Variants in IGSF21 observed in about 807,000 individuals in gnomAD.
IGSF21 encodes the protein immunoglobin superfamily member 21.
Under a neutral mutation model 46.8 loss-of-function variants are expected in IGSF21, and 28 were observed. The observed-to-expected ratio is 0.60, with a 90% confidence interval of 0.44 to 0.82. IGSF21 has a LOEUF of 0.82. Among genes scored for constraint, IGSF21 ranks in the 40% least tolerant of loss-of-function variants. IGSF21 has a pLI of 0.00. For synonymous variants in IGSF21, 284 were observed against 273.6 expected (o/e 1.04, Z -0.38); for missense variants, 624 against 665.5 (o/e 0.94, Z 0.69).
chr1:18,253,560 G>A (rs1435278426), intron 2 of IGSF21, among the ~76,000 whole-genome samples: 1 of 152,236 alleles, frequency 6.6e-6, no homozygotes, highest in African/African-American at 2.4e-5. Flanking sequence ...TAAAGAGAAT[G>A]TTAAAACCTT....
chr1:18,341,265 A>T (rs1187729072), intron 4 of IGSF21, among the ~76,000 whole-genome samples: 1 of 151,470 alleles, frequency 6.6e-6, no homozygotes, highest in Non-Finnish European at 1.5e-5. Context: ...ACCTCAACAG[A>T]TTTGCTCCTT....
intron 2 of IGSF21, among the ~76,000 whole-genome samples, chr1:18,231,086 G>T (rs2084621573): frequency 6.6e-6 from 1 of 152,174 alleles, no homozygotes. Flanking sequence ...AGTCAGGACT[G>T]TGGCTCCAAC....
rs373359909 is a variant in IGSF21 at position 18,208,242 on chromosome 1, C to T, written c.71-19656C>T. On this transcript the variant is annotated intron_variant, in intron 1 of 9. Coordinates refer to ENST00000251296, the MANE Select transcript of IGSF21 (RefSeq NM_032880.5). ...TCACCTTCTTCATAACCCACCTGAT[C>T]TCCTTGCCCAGAGCAGAATTCAGTT... 2.9e-3 allele frequency among the ~76,000 whole-genome samples: 432 copies of T among 151,420 alleles called. 20 individuals are homozygous for T. The South Asian group carries it at 0.082, about 29-fold the overall frequency.
rs1570274842 is a variant in IGSF21 at position 18,154,925 on chromosome 1, T to C, written c.70+46727T>C. ...ATCCTGGAGGACTGTCTGGAGGAAG[T>C]GTGAATCCAGGGAGGGCAGACTGTG... is the stretch of plus-strand genomic sequence containing the variant. On this transcript the variant is annotated intron_variant, in intron 1 of 9. Transcript: ENST00000251296. Among the ~76,000 whole-genome samples the C allele has an allele frequency of 2.0e-5, 3 of 151,642 alleles. No individual in the cohort carries two copies. The South Asian group carries it at 6.3e-4, about 32-fold the overall frequency.
chr1:18,360,157 G>A (rs1395134154), intron 4 of IGSF21, among the ~76,000 whole-genome samples: 2 of 152,156 alleles, frequency 1.3e-5, no homozygotes, highest in Non-Finnish European at 2.9e-5. Context: ...CCAGGTTTTC[G>A]GTTGAGTTTT....
intron 2 of IGSF21, among the ~76,000 whole-genome samples, chr1:18,230,862 C>T (rs1294941698): frequency 1.3e-5 from 2 of 151,972 alleles, no homozygotes; most frequent in Non-Finnish European, 2.9e-5. Flanking sequence ...CTCCTCTGAC[C>T]CCTTCCTCCC....
In IGSF21 at chr1:18,334,427, G is replaced by A. The variant is rs1159236162; in HGVS notation, c.306-465G>A. Among the ~76,000 whole-genome samples the A allele has an allele frequency of 6.6e-6, 1 of 152,176 alleles. No individual in the cohort carries two copies. Among genetic ancestry groups the A allele is most frequent in the African/African-American group, 2.4e-5 (1 of 41,430 alleles). Reference sequence around the variant, plus strand: ...CTTATTAGCAATTGAGTTCCGTCCTGAGCCTCAGTTTCCTTGTTTATGAAA... The same window carrying A: ...CTTATTAGCAATTGAGTTCCGTCCTAAGCCTCAGTTTCCTTGTTTATGAAA... On this transcript the variant is annotated intron_variant, in intron 3 of 9. Coordinates refer to ENST00000251296, the MANE Select transcript of IGSF21 (RefSeq NM_032880.5). The surrounding 1 kb of genome is among the most constrained non-coding windows in gnomAD (Gnocchi z 4.3).
At chr1:18,252,056 T>TG (rs1553157864) in intron 2 of IGSF21, among the ~76,000 whole-genome samples, 1 of 136,266 alleles carries the variant, frequency 7.3e-6, no homozygotes, top group African/African-American at 2.8e-5. Flanking sequence ...TTTTTTTTTT[T>TG]TTTTTTTTTT....
chr1:18,323,788 A>G (rs929507241), intron 3 of IGSF21, among the ~76,000 whole-genome samples: 2 of 152,154 alleles, frequency 1.3e-5, no homozygotes, highest in Non-Finnish European at 2.9e-5. Context: ...TTTGTACCCA[A>G]TGAGCAACTG....
Position 18,335,049 on chromosome 1 carries a change from G to A in IGSF21, c.424+39G>A. 7 of 1,490,906 alleles carry A rather than the reference G, an allele frequency of 4.7e-6. No homozygotes were observed. The highest frequency in any genetic ancestry group is 6.6e-6 in the Non-Finnish European group (7 of 1,067,712). 92.4% of individuals were successfully genotyped at this position (1,490,906 alleles called of 1,614,324 possible). ...CACTGGCCCCTGGTGTCTCAGTGAGGAGGACGAGTATGCTTGAGTGTGTGA... is the reference window on the plus strand; with the variant it reads ...CACTGGCCCCTGGTGTCTCAGTGAGAAGGACGAGTATGCTTGAGTGTGTGA... On this transcript the variant is annotated intron_variant, in intron 4 of 9. Transcript: ENST00000251296. This position sits in a 1 kb window ranked among gnomAD's most constrained non-coding sequence, Gnocchi z 4.8.
At chr1:18,212,858 G>GC (rs1553154444) in intron 1 of IGSF21, among the ~76,000 whole-genome samples, 1 of 152,092 alleles carries the variant, frequency 6.6e-6, no homozygotes, top group Non-Finnish European at 1.5e-5. Context: ...AAGAAAATGG[G>GC]AATTCCCCTC....
chr1:18,358,416 TTC>T (rs754724697), intron 4 of IGSF21, among the ~76,000 whole-genome samples: 2 of 152,248 alleles, frequency 1.3e-5, no homozygotes, highest in African/African-American at 2.4e-5. Context: ...TCTTACGCTC[TTC>T]TTAAAAAATT....
chr1:18,215,357 G>A (rs981953200), intron 1 of IGSF21, among the ~76,000 whole-genome samples: 7 of 152,152 alleles, frequency 4.6e-5, no homozygotes, highest in African/African-American at 7.2e-5. Context: ...CATTTGGCCC[G>A]TTAGAGGCTC....
intron 2 of IGSF21, among the ~76,000 whole-genome samples, chr1:18,253,606 C>T (rs1258252953): frequency 6.6e-6 from 1 of 152,208 alleles, no homozygotes; most frequent in African/African-American, 2.4e-5. Flanking sequence ...TTTGCCAAAA[C>T]ACCAATTAAA....
At chr1:18,189,051 G>A (rs1321062908) in intron 1 of IGSF21, among the ~76,000 whole-genome samples, 2 of 152,162 alleles carry the variant, frequency 1.3e-5, no homozygotes, top group Non-Finnish European at 2.9e-5. Context: ...TAATCCCAGA[G>A]TCAGAGCCCA....
chr1:18,362,237 A>T lies in IGSF21; in HGVS notation c.540+7A>T. 6.3e-7 allele frequency: 1 copy of T among 1,593,876 alleles called. No individual in the cohort carries two copies. Among genetic ancestry groups the T allele is most frequent in the Non-Finnish European group, 8.6e-7 (1 of 1,165,384 alleles). On this transcript the variant is annotated splice_region_variant and intron_variant, in intron 5 of 9. Coordinates refer to ENST00000251296, the MANE Select transcript of IGSF21 (RefSeq NM_032880.5). ...AGGAAAACCAGCACCCATGGTGAGT[A>T]CCCCTGGAGTGCCCAGCTCCTTCCT...
At chr1:18,329,667 G>C (rs561992790) in intron 3 of IGSF21, among the ~76,000 whole-genome samples, 165 of 152,306 alleles carry the variant, frequency 1.1e-3, no homozygotes, top group Admixed American at 3.2e-3. Flanking sequence ...CTGCCTGGTG[G>C]AGGTGGCATC....
chr1:18,150,337 C>T (rs1230245472), intron 1 of IGSF21, among the ~76,000 whole-genome samples: 1 of 152,164 alleles, frequency 6.6e-6, no homozygotes, highest in African/African-American at 2.4e-5. Flanking sequence ...ATGGGGATAG[C>T]ACCTTCCTTA....
intron 1 of IGSF21, among the ~76,000 whole-genome samples, chr1:18,159,511 G>C (rs1258350322): frequency 6.6e-6 from 1 of 152,096 alleles, no homozygotes; most frequent in African/African-American, 2.4e-5. Context: ...TAAGTCTCAC[G>C]AGATCTGATG....
Sources: allele counts gnomAD v4.1 joint callset (sites outside exome capture counted in the v4.1 genomes callset), GRCh38; gene constraint gnomAD v4.1.1; non-coding constraint Gnocchi (gnomAD v3.1); transcripts MANE v1.5; gene names NCBI Gene and HGNC (gene_info 2026-07-23, HGNC 2026-07-21).